ROBO1: variants seen among roughly 807,000 people sequenced by gnomAD.
ROBO1 encodes the protein roundabout homolog 1.
Under a neutral mutation model 195.9 loss-of-function variants are expected in ROBO1, and 149 were observed. The observed-to-expected ratio is 0.76, with a 90% CI of 0.67 to 0.87. The LOEUF (loss-of-function observed/expected upper bound fraction) is 0.87. ROBO1 is among the 40% of genes least tolerant of loss of function. The probability of loss-of-function intolerance (pLI) is 0.00; values close to 1 mark genes in which losing one functional copy is unlikely to be tolerated. For missense variants in ROBO1, 1,933 were observed against 2,068.3 expected (o/e 0.93, Z 1.27); for synonymous variants, 816 against 733.2 (o/e 1.11, Z -1.82).
At chr3:79,437,039 A>T (rs2038911935) in intron 2 of ROBO1, among the ~76,000 whole-genome samples, 1 of 152,086 alleles carries the variant, frequency 6.6e-6, no homozygotes, top group African/African-American at 2.4e-5. Flanking sequence ...GTGCATTTAA[A>T]ACATGCATCG....
intron 2 of ROBO1, among the ~76,000 whole-genome samples, chr3:79,240,988 C>G (rs998955373): frequency 6.6e-6 from 1 of 151,968 alleles, no homozygotes; most frequent in African/African-American, 2.4e-5. Context: ...ATACTTAATG[C>G]AAATATATTA....
intron 1 of ROBO1, among the ~76,000 whole-genome samples, chr3:79,673,348 A>G (rs1946685895): frequency 6.6e-6 from 1 of 151,752 alleles, no homozygotes; most frequent in Admixed American, 6.6e-5. Flanking sequence ...GAGGGTGTGT[A>G]TAATTTTTAG....
At chr3:78,779,317 G>A (rs2083601068) in intron 4 of ROBO1, among the ~76,000 whole-genome samples, 1 of 152,050 alleles carries the variant, frequency 6.6e-6, no homozygotes, top group Non-Finnish European at 1.5e-5. Flanking sequence ...GAATGAACAG[G>A]CAACCTACAG....
chr3:79,074,707 G>T (rs2108445611), intron 3 of ROBO1, among the ~76,000 whole-genome samples: 1 of 151,718 alleles, frequency 6.6e-6, no homozygotes, highest in Non-Finnish European at 1.5e-5. Context: ...GGGATTACAG[G>T]GATGGGCCAT....
At chr3:79,524,899 ATGTG>A (rs921151707) in intron 2 of ROBO1, among the ~76,000 whole-genome samples, 1 of 151,886 alleles carries the variant, frequency 6.6e-6, no homozygotes, top group South Asian at 2.1e-4. Flanking sequence ...TGAAAATTAT[ATGTG>A]TGTGTGTGTT....
intron 8 of ROBO1, among the ~76,000 whole-genome samples, chr3:78,703,768 C>A (rs1436065519): frequency 6.6e-6 from 1 of 151,122 alleles, no homozygotes; most frequent in Non-Finnish European, 1.5e-5. Context: ...ATACATATAT[C>A]TACCCAATAT....
intron 8 of ROBO1, among the ~76,000 whole-genome samples, chr3:78,710,918 T>C (rs1180063647): frequency 1.3e-5 from 2 of 152,216 alleles, no homozygotes; most frequent in Non-Finnish European, 2.9e-5. Flanking sequence ...ATCTCCTAAA[T>C]TGGATTTTCT....
intron 2 of ROBO1, among the ~76,000 whole-genome samples, chr3:79,483,230 G>A (rs193178109): frequency 1.2e-4 from 18 of 152,268 alleles, no homozygotes; most frequent in African/African-American, 4.3e-4. Context: ...ATGGCAGATG[G>A]CTGAAGTGGA....
intron 3 of ROBO1, among the ~76,000 whole-genome samples, chr3:79,045,708 A>C (rs2078578063): frequency 6.6e-6 from 1 of 152,090 alleles, no homozygotes; most frequent in Non-Finnish European, 1.5e-5. Context: ...TATATCAACA[A>C]ACCAACAATT....
At chr3:79,550,457 G>A (rs1337868971) in intron 2 of ROBO1, among the ~76,000 whole-genome samples, 1 of 152,118 alleles carries the variant, frequency 6.6e-6, no homozygotes, top group African/African-American at 2.4e-5. Flanking sequence ...ATGCACTTTA[G>A]TAAATAGCTC....
At chr3:78,654,250 T>G (rs1706856469) in intron 18 of ROBO1, among the ~76,000 whole-genome samples, 1 of 152,192 alleles carries the variant, frequency 6.6e-6, no homozygotes, top group African/African-American at 2.4e-5. Flanking sequence ...AATGGCTAAA[T>G]TCCTTCTCAT....
intron 3 of ROBO1, among the ~76,000 whole-genome samples, chr3:79,053,856 G>A (rs1161361641): frequency 6.6e-6 from 1 of 152,052 alleles, no homozygotes; most frequent in Non-Finnish European, 1.5e-5. Flanking sequence ...GGCTTATCCG[G>A]TCATGCTAGA....
At chr3:79,340,250 C>A (rs1480850261) in intron 2 of ROBO1, among the ~76,000 whole-genome samples, 1 of 152,168 alleles carries the variant, frequency 6.6e-6, no homozygotes, top group Non-Finnish European at 1.5e-5. Flanking sequence ...TATCTAATTC[C>A]ATTTCTTTGC....
intron 4 of ROBO1, among the ~76,000 whole-genome samples, chr3:78,871,910 G>A (rs1576322646): frequency 6.6e-6 from 1 of 152,118 alleles, no homozygotes; most frequent in Non-Finnish European, 1.5e-5. Flanking sequence ...TGCTGCTGAT[G>A]CTCAACTATA....
intron 2 of ROBO1, among the ~76,000 whole-genome samples, chr3:79,454,937 G>GCTGA (rs2039567654): frequency 6.6e-6 from 1 of 152,124 alleles, no homozygotes; most frequent in African/African-American, 2.4e-5. Context: ...TGGCTGAATA[G>GCTGA]ATGCCCATAG....
At chr3:79,766,666 C>T (rs112289324) in intron 1 of ROBO1, among the ~76,000 whole-genome samples, 2 of 152,236 alleles carry the variant, frequency 1.3e-5, no homozygotes, top group African/African-American at 4.8e-5. Context: ...CCTGCTTCTC[C>T]CCATTGTGTT....
intron 8 of ROBO1, among the ~76,000 whole-genome samples, chr3:78,691,221 C>T (rs573501502): frequency 1.4e-4 from 21 of 152,136 alleles, no homozygotes; most frequent in Non-Finnish European, 4.4e-5. Context: ...ATTGAGAACA[C>T]CATTCATTAA....
chr3:79,682,442 G>T (rs765607343), intron 1 of ROBO1, among the ~76,000 whole-genome samples: 1 of 151,890 alleles, frequency 6.6e-6, no homozygotes, highest in Admixed American at 6.6e-5. Context: ...CTTGAAGAAA[G>T]TAAGCGTTAA....
At chr3:79,440,598 C>T (rs544364689) in intron 2 of ROBO1, among the ~76,000 whole-genome samples, 1 of 152,196 alleles carries the variant, frequency 6.6e-6, no homozygotes, top group South Asian at 2.1e-4. Flanking sequence ...ATGTGTGTTC[C>T]CTATGCGCAC....
Sources: allele counts gnomAD v4.1 joint callset (sites outside exome capture counted in the v4.1 genomes callset), GRCh38; gene constraint gnomAD v4.1.1; transcripts MANE v1.5; gene names NCBI Gene and HGNC (gene_info 2026-07-23, HGNC 2026-07-21).